The following DOCK3 variants were observed in gnomAD, a reference collection of about 807,000 sequenced individuals.
DOCK3 encodes dedicator of cytokinesis protein 3.
DOCK3 carries 60 observed loss-of-function variants against 265.6 expected under a neutral mutation model. That is an observed-to-expected ratio of 0.23 (90% confidence interval 0.18 to 0.28). DOCK3 has a LOEUF of 0.28. DOCK3 is among the 10% of genes least tolerant of loss of function. DOCK3 has a pLI of 1.00. For missense variants in DOCK3, 1,981 were observed against 2,594.3 expected, an observed-to-expected ratio of 0.76 and a Z score of 5.14; for synonymous variants, 881 against 938.0, an observed-to-expected ratio of 0.94 and a Z score of 1.11.
intron 27 of DOCK3, among the ~76,000 whole-genome samples, chr3:51,280,430 G>A (rs773112038): frequency 2.9e-4 from 44 of 152,156 alleles, no homozygotes; most frequent in Non-Finnish European, 5.9e-4. Context: ...TTGACTATTA[G>A]CGGCCCTGTG....
intron 23 of DOCK3, among the ~76,000 whole-genome samples, chr3:51,265,702 A>G (rs538789691): frequency 6.6e-6 from 1 of 152,342 alleles, no homozygotes; most frequent in African/African-American, 2.4e-5. Context: ...GACGTATCTC[A>G]AAGTAATAAG....
chr3:50,967,284 C>T (rs951626795), intron 5 of DOCK3, among the ~76,000 whole-genome samples: 3 of 152,200 alleles, frequency 2.0e-5, no homozygotes, highest in Middle Eastern at 3.4e-3. Context: ...TCATTCTGTG[C>T]CTGGTGTATT....
At chr3:51,190,321 A>G (rs971621088) in intron 12 of DOCK3, among the ~76,000 whole-genome samples, 1 of 152,128 alleles carries the variant, frequency 6.6e-6, no homozygotes. Context: ...AGATCCAGTG[A>G]TATGACCTGT....
intron 7 of DOCK3, among the ~76,000 whole-genome samples, chr3:51,084,179 A>G (rs2082337580): frequency 6.6e-6 from 1 of 152,148 alleles, no homozygotes; most frequent in African/African-American, 2.4e-5. Context: ...TAATGAGATA[A>G]TAGCTGAAAA....
chr3:50,730,439 G>A (rs1450310171), intron 1 of DOCK3, among the ~76,000 whole-genome samples: 1 of 152,126 alleles, frequency 6.6e-6, no homozygotes, highest in Non-Finnish European at 1.5e-5. Context: ...CGCTGTGCCC[G>A]GCTGCACAAA....
intron 4 of DOCK3, among the ~76,000 whole-genome samples, chr3:50,930,363 C>T (rs942142708): frequency 6.6e-6 from 1 of 152,222 alleles, no homozygotes. Context: ...CCGCCTTGGG[C>T]GGCTGCAGCC....
At chr3:50,933,046 A>G (rs1486029179) in intron 4 of DOCK3, among the ~76,000 whole-genome samples, 2 of 151,892 alleles carry the variant, frequency 1.3e-5, no homozygotes, top group Non-Finnish European at 1.5e-5. Flanking sequence ...GTGCTGGGGA[A>G]CTCCTCTTTA....
chr3:50,769,807 G>T (rs560955547), intron 1 of DOCK3, among the ~76,000 whole-genome samples: 1 of 56,720 alleles, frequency 1.8e-5, no homozygotes, highest in South Asian at 8.3e-4. Context: ...GCAAGACTCT[G>T]TCTCAAAAAA....
chr3:51,364,410 T>G (rs2086976783), intron 49 of DOCK3, among the ~76,000 whole-genome samples: 1 of 152,240 alleles, frequency 6.6e-6, no homozygotes, highest in Admixed American at 6.5e-5. Context: ...ATGGGTAGAT[T>G]GTAAAAATAT....
chr3:51,189,723 C>A (rs577102204), intron 12 of DOCK3, among the ~76,000 whole-genome samples: 38 of 152,316 alleles, frequency 2.5e-4, no homozygotes, highest in African/African-American at 8.7e-4. Context: ...AATAAACTTA[C>A]ATATGCAAGT....
chr3:51,339,655 A>G (rs1027940343), intron 37 of DOCK3, among the ~76,000 whole-genome samples: 3 of 152,222 alleles, frequency 2.0e-5, no homozygotes, highest in Non-Finnish European at 2.9e-5. Flanking sequence ...AAGCATTTCA[A>G]AGTGGCTGTC....
intron 22 of DOCK3, among the ~76,000 whole-genome samples, chr3:51,253,748 C>A (rs2079391617): frequency 6.6e-6 from 1 of 152,088 alleles, no homozygotes. Flanking sequence ...TTTGATTCTT[C>A]TCTCTTTTCT....
At chr3:50,869,688 T>C (rs1447927026) in intron 3 of DOCK3, among the ~76,000 whole-genome samples, 1 of 117,044 alleles carries the variant, frequency 8.5e-6, no homozygotes, top group Non-Finnish European at 1.7e-5. Context: ...TTATTATTTT[T>C]CTTCTACTGA....
At chr3:51,082,180 C>G (rs970948042) in intron 7 of DOCK3, among the ~76,000 whole-genome samples, 5 of 151,896 alleles carry the variant, frequency 3.3e-5, no homozygotes, top group African/African-American at 1.2e-4. Context: ...GAGTTTGGGC[C>G]GGGCCTCACA....
rs564589886 is a variant in DOCK3, at chr3:51,084,040, A to G, written c.550-5203A>G. Reference sequence around the variant, plus strand: ...TGAATCTGAAGACAGGTTTTTTGACATCAATCAGATGAAAAGAAAAAAGAG... The same window carrying G: ...TGAATCTGAAGACAGGTTTTTTGACGTCAATCAGATGAAAAGAAAAAAGAG... On this transcript the variant is annotated intron_variant, in intron 7 of 52. Coordinates refer to ENST00000266037, the MANE Select transcript of DOCK3 (RefSeq NM_004947.5). Among the ~76,000 whole-genome samples, 28 of 152,250 alleles carry G rather than the reference A, an allele frequency of 1.8e-4. 1 individual carries two copies. In the South Asian group the frequency reaches 5.6e-3, roughly 30 times the overall value.
intron 2 of DOCK3, 84 bp downstream of exon 2, chr3:50,778,842 A>C: frequency 1.0e-6 from 1 of 956,152 alleles, no homozygotes; most frequent in Non-Finnish European, 1.5e-6. Context: ...TAAGATTATA[A>C]GCAATAATTC....
intron 27 of DOCK3, among the ~76,000 whole-genome samples, 184 bp downstream of exon 27, chr3:51,280,388 A>C (rs2081048531): frequency 6.6e-6 from 1 of 152,176 alleles, no homozygotes; most frequent in South Asian, 2.1e-4. Flanking sequence ...GTCCCCACAC[A>C]GCTGGACCCT....
At chr3:51,068,782 T>G (rs1455635093) in intron 6 of DOCK3, among the ~76,000 whole-genome samples, 3 of 152,104 alleles carry the variant, frequency 2.0e-5, no homozygotes, top group Admixed American at 2.0e-4. Context: ...ATTGCCAGTA[T>G]TTTTAGTCAT....
intron 2 of DOCK3, among the ~76,000 whole-genome samples, chr3:50,811,981 A>G (rs1359265888): frequency 6.6e-6 from 1 of 152,214 alleles, no homozygotes; most frequent in African/African-American, 2.4e-5. Flanking sequence ...GCAAGAAACT[A>G]AGAACTTAAC....
Sources: gnomAD v4.1 joint callset for allele counts (sites outside exome capture counted in the v4.1 genomes callset) on GRCh38, gnomAD v4.1.1 for gene constraint, MANE v1.5 for transcripts, NCBI Gene and HGNC (gene_info 2026-07-23, HGNC 2026-07-21) for gene names.